Variants in DHX57 observed in about 807,000 individuals in gnomAD.
DHX57 encodes DExH-box helicase 57, also known as putative ATP-dependent RNA helicase DHX57.
A neutral mutation model predicts 156.2 loss-of-function variants in DHX57; 105 were observed. The observed-to-expected ratio is 0.67, with a 90% CI of 0.57 to 0.79. The LOEUF (loss-of-function observed/expected upper bound fraction) is 0.79. DHX57 is among the 30% of genes least tolerant of loss of function. The pLI, the probability that DHX57 is intolerant of heterozygous loss-of-function variation, is 0.00. For synonymous variants in DHX57, 704 were observed against 595.6 expected, an observed-to-expected ratio of 1.18 and a Z score of -2.65; for missense variants, 1,847 against 1,661.9, an observed-to-expected ratio of 1.11 and a Z score of -1.94.
intron 19 of DHX57, 155 bp from the exon 20 acceptor site, chr2:38,815,810 T>C: frequency 1.1e-6 from 1 of 927,104 alleles, no homozygotes; most frequent in Non-Finnish European, 1.6e-6. Flanking sequence ...TCTTGTCTGG[T>C]CATTTCCAAG....
At chr2:38,870,288 A>G (rs1259281100) in intron 1 of DHX57, among the ~76,000 whole-genome samples, 1 of 152,222 alleles carries the variant, frequency 6.6e-6, no homozygotes, top group African/African-American at 2.4e-5. Flanking sequence ...AAAAGAGCAG[A>G]AAAAATATTC....
At chr2:38,874,493 T>A (rs552606183) in intron 1 of DHX57, among the ~76,000 whole-genome samples, 1 of 137,380 alleles carries the variant, frequency 7.3e-6, no homozygotes, top group East Asian at 2.2e-4. Context: ...CACTGCAACC[T>A]CCACCTCCCG....
chr2:38,800,787 A>C (rs986085864), intron 23 of DHX57, among the ~76,000 whole-genome samples: 1 of 152,186 alleles, frequency 6.6e-6, no homozygotes, highest in Non-Finnish European at 1.5e-5. Flanking sequence ...AAATCAAACC[A>C]ACGTTGCCTG....
chr2:38,859,100 C>A (rs1673054868), intron 5 of DHX57, among the ~76,000 whole-genome samples: 2 of 152,114 alleles, frequency 1.3e-5, no homozygotes, highest in Non-Finnish European at 1.5e-5. Context: ...GCAAGTGTCC[C>A]CAAATCCCAC....
chr2:38,845,680 G>C (rs997777187), intron 11 of DHX57, among the ~76,000 whole-genome samples: 1 of 152,076 alleles, frequency 6.6e-6, no homozygotes, highest in African/African-American at 2.4e-5. Context: ...AAATCTTGCG[G>C]AATCCTCAAG....
At chr2:38,821,839 T>C (rs1183096345) in intron 17 of DHX57, among the ~76,000 whole-genome samples, 1 of 151,798 alleles carries the variant, frequency 6.6e-6, no homozygotes, top group Admixed American at 6.6e-5. Flanking sequence ...CTTACAGAAA[T>C]AAAAAGGATT....
intron 6 of DHX57, among the ~76,000 whole-genome samples, chr2:38,857,711 T>C (rs79031750): frequency 1.3e-5 from 2 of 152,220 alleles, no homozygotes; most frequent in Non-Finnish European, 2.9e-5. Context: ...GATTCACTTA[T>C]GAATTCTTTT....
chr2:38,835,993 G>C (rs981956554), intron 13 of DHX57, among the ~76,000 whole-genome samples: 3 of 152,148 alleles, frequency 2.0e-5, no homozygotes, highest in African/African-American at 7.2e-5. Flanking sequence ...ATGGAGATGA[G>C]TGCTTCTGAA....
At chr2:38,801,767 T>A (rs1015889605) in intron 23 of DHX57, among the ~76,000 whole-genome samples, 4 of 152,080 alleles carry the variant, frequency 2.6e-5, no homozygotes, top group African/African-American at 9.7e-5. Flanking sequence ...GTTAATTTTT[T>A]AAAATTTTTA....
chr2:38,856,312 G>A, intron 7 of DHX57, 28 bp downstream of exon 7: 2 of 1,594,630 alleles, frequency 1.3e-6, no homozygotes, highest in Non-Finnish European at 8.5e-7. Context: ...ATAGATGAAA[G>A]CTACAGATGA....
At chr2:38,832,290 A>T (rs1482171674) in intron 13 of DHX57, among the ~76,000 whole-genome samples, 1 of 151,480 alleles carries the variant, frequency 6.6e-6, no homozygotes, top group Admixed American at 6.6e-5. Context: ...AAATACAAAA[A>T]TTAGCTGGGT....
rs180863463 is a variant in DHX57, at chr2:38,810,050, C to T, written c.3682-3357G>A. Among the ~76,000 whole-genome samples, 352 of 152,016 alleles carry T rather than the reference C, an allele frequency of 2.3e-3. 3 individuals carry two copies. Among genetic ancestry groups the T allele is most frequent in the South Asian group, 9.2e-3 (44 of 4,806 alleles). ...CTGGGATTACAGGCACACACCACCA[C>T]GCCCAGCTAATTTTTGTATTTTTTA... is the stretch of plus-strand genomic sequence containing the variant. On this transcript the variant is annotated intron_variant, in intron 21 of 23. Transcript: ENST00000457308.
At position 38,849,557 on chromosome 2, in the gene DHX57, A is replaced by G. The variant is rs539148707; in HGVS notation, c.2031-1155T>C. Among the ~76,000 whole-genome samples, 12 of 152,182 alleles carry G rather than the reference A, an allele frequency of 7.9e-5. No homozygotes were observed. The South Asian group carries it at 2.5e-3, about 32-fold the overall frequency. On this transcript the variant is annotated intron_variant, in intron 9 of 23. Transcript: ENST00000457308. The stretch of plus-strand genomic sequence containing the variant: ...CAAGACCCCATCTCTTAAAAAAAAA[A>G]AAGAAAAATCTGATTGTGCCACTCT...
intron 20 of DHX57, 94 bp from the exon 21 acceptor site, chr2:38,813,989 G>A: frequency 1.4e-6 from 2 of 1,391,680 alleles, no homozygotes; most frequent in Middle Eastern, 1.8e-4. Context: ...CCAGGCAAGT[G>A]TGCAGTGGCG....
At chr2:38,818,600 C>T (rs1670661649) in intron 19 of DHX57, among the ~76,000 whole-genome samples, 1 of 152,056 alleles carries the variant, frequency 6.6e-6, no homozygotes, top group African/African-American at 2.4e-5. Context: ...AAACTGACTT[C>T]CAGTAAGCAG....
At chr2:38,827,143 T>TAAAAC (rs1438229554) in intron 14 of DHX57, among the ~76,000 whole-genome samples, 1 of 150,770 alleles carries the variant, frequency 6.6e-6, no homozygotes, top group Non-Finnish European at 1.5e-5. Context: ...AAAAATAAAA[T>TAAAAC]AAAATAAAAT....
At chr2:38,844,770 G>C (rs183914606) in intron 11 of DHX57, among the ~76,000 whole-genome samples, 1 of 151,688 alleles carries the variant, frequency 6.6e-6, no homozygotes, top group African/African-American at 2.4e-5. Flanking sequence ...AGAAGGAAGT[G>C]GGAAAAAGAA....
At chr2:38,828,722 C>CAA (rs775943686) in intron 13 of DHX57, among the ~76,000 whole-genome samples, 3 of 100,150 alleles carry the variant, frequency 3.0e-5, no homozygotes, top group Non-Finnish European at 4.2e-5. Context: ...GACCCTTTCT[C>CAA]AAAAAAAAAA....
At chr2:38,840,706 G>T (rs1671949196) in intron 12 of DHX57, among the ~76,000 whole-genome samples, 1 of 152,106 alleles carries the variant, frequency 6.6e-6, no homozygotes, top group South Asian at 2.1e-4. Flanking sequence ...CCTTAAAAAG[G>T]GGGTCCCAAA....
Sources: allele counts gnomAD v4.1 joint callset (sites outside exome capture counted in the v4.1 genomes callset), GRCh38; gene constraint gnomAD v4.1.1; transcripts MANE v1.5; gene names NCBI Gene and HGNC (gene_info 2026-07-23, HGNC 2026-07-21).